The following KCNH8 variants were observed in gnomAD, a reference collection of about 807,000 sequenced individuals.
The protein encoded by KCNH8 is potassium voltage-gated channel subfamily H member 8.
Under a neutral mutation model 103.6 loss-of-function variants are expected in KCNH8, and 70 were observed. The ratio of observed to expected loss-of-function variants is 0.68; its 90% CI spans 0.56 to 0.82. The LOEUF is 0.82. KCNH8 is among the 40% of genes least tolerant of loss of function. The pLI is 0.00. For synonymous variants in KCNH8, 498 were observed against 489.4 expected, an observed-to-expected ratio of 1.02 and a Z score of -0.23; for missense variants, 1,217 against 1,329.9, an observed-to-expected ratio of 0.92 and a Z score of 1.32.
At chr3:19,477,791 C>T (rs1304869997) in intron 11 of KCNH8, among the ~76,000 whole-genome samples, 1 of 152,112 alleles carries the variant, frequency 6.6e-6, no homozygotes, top group Non-Finnish European at 1.5e-5. Context: ...TTATTATTTA[C>T]ATTTAGGAAA....
At chr3:19,198,157 C>T (rs1287348591) in intron 1 of KCNH8, among the ~76,000 whole-genome samples, 1 of 151,956 alleles carries the variant, frequency 6.6e-6, no homozygotes, top group African/African-American at 2.4e-5. Flanking sequence ...TCATAATGGA[C>T]AAATAACCAT....
intron 3 of KCNH8, among the ~76,000 whole-genome samples, chr3:19,281,571 A>G (rs1406971274): frequency 6.6e-6 from 1 of 152,102 alleles, no homozygotes; most frequent in African/African-American, 2.4e-5. Context: ...TGCTAATATG[A>G]GGAGGATGAG....
chr3:19,172,708 C>G (rs9755604), intron 1 of KCNH8, among the ~76,000 whole-genome samples: 8,762 of 152,220 alleles, frequency 0.058, 824 homozygotes, highest in African/African-American at 0.19. Flanking sequence ...GAGGTATGGA[C>G]AATGCAAGCA....
At chr3:19,387,338 A>G (rs1457315097) in intron 5 of KCNH8, among the ~76,000 whole-genome samples, 1 of 152,184 alleles carries the variant, frequency 6.6e-6, no homozygotes, top group African/African-American at 2.4e-5. Context: ...GATAATGGAA[A>G]GAAAATGGGA....
chr3:19,287,709 C>T (rs2064851934), intron 3 of KCNH8, among the ~76,000 whole-genome samples: 1 of 152,128 alleles, frequency 6.6e-6, no homozygotes, highest in African/African-American at 2.4e-5. Context: ...CCTCAGCCTC[C>T]TGAGTAGCTG....
At chr3:19,408,636 A>G (rs1424496226) in intron 7 of KCNH8, among the ~76,000 whole-genome samples, 1 of 152,158 alleles carries the variant, frequency 6.6e-6, no homozygotes, top group Non-Finnish European at 1.5e-5. Context: ...AATCCAGTAA[A>G]TGAAGGAAGA....
chr3:19,210,800 A>C (rs2125224898), intron 1 of KCNH8, among the ~76,000 whole-genome samples: 1 of 152,260 alleles, frequency 6.6e-6, no homozygotes, highest in Non-Finnish European at 1.5e-5. Flanking sequence ...TGATGGTGAG[A>C]ATACAAAGTA....
At chr3:19,185,391 C>G (rs2063492387) in intron 1 of KCNH8, among the ~76,000 whole-genome samples, 1 of 151,786 alleles carries the variant, frequency 6.6e-6, no homozygotes, top group African/African-American at 2.4e-5. Context: ...GAACACTTTT[C>G]ATGTTCTTAT....
chr3:19,398,899 T>C (rs1322861636), intron 7 of KCNH8, among the ~76,000 whole-genome samples: 5 of 152,042 alleles, frequency 3.3e-5, no homozygotes, highest in Non-Finnish European at 7.4e-5. Context: ...AGAAATAGCT[T>C]TAAAAGTATT....
At chr3:19,185,519 C>T (rs935360039) in intron 1 of KCNH8, among the ~76,000 whole-genome samples, 1 of 151,766 alleles carries the variant, frequency 6.6e-6, no homozygotes, top group East Asian at 1.9e-4. Context: ...GAGTCCTTTA[C>T]CAAATGTAGG....
At chr3:19,320,735 G>C (rs2065338777) in intron 3 of KCNH8, among the ~76,000 whole-genome samples, 1 of 151,794 alleles carries the variant, frequency 6.6e-6, no homozygotes, top group African/African-American at 2.4e-5. Flanking sequence ...TGTCTTTTGG[G>C]ATAGTGTCAA....
At chr3:19,512,371 A>AC (rs1378689642) in intron 12 of KCNH8, among the ~76,000 whole-genome samples, 1 of 152,112 alleles carries the variant, frequency 6.6e-6, no homozygotes, top group East Asian at 1.9e-4. Flanking sequence ...AAGGAAGCAG[A>AC]CCAGGTGGTT....
chr3:19,516,476 T>C (rs7372627), intron 14 of KCNH8, among the ~76,000 whole-genome samples: 88,828 of 151,794 alleles, frequency 0.59, 26,140 homozygotes, highest in Middle Eastern at 0.65. Context: ...CATATGTTGA[T>C]ATTACTGTGC....
At chr3:19,349,626 AT>A (rs1480322507) in intron 5 of KCNH8, among the ~76,000 whole-genome samples, 1 of 152,122 alleles carries the variant, frequency 6.6e-6, no homozygotes, top group Admixed American at 6.6e-5. Context: ...GATATTTGAC[AT>A]TCTTTGGCCT....
At chr3:19,329,379 TGGGAGAGTAAA>T (rs1376921691) in intron 3 of KCNH8, among the ~76,000 whole-genome samples, 2 of 152,186 alleles carry the variant, frequency 1.3e-5, no homozygotes, top group Non-Finnish European at 2.9e-5. Context: ...ACCAAGATTT[TGGGAGAGTAAA>T]GCTAAGTGTA....
intron 1 of KCNH8, among the ~76,000 whole-genome samples, chr3:19,251,876 G>A (rs553426096): frequency 2.0e-5 from 3 of 152,226 alleles, no homozygotes; most frequent in African/African-American, 7.2e-5. Context: ...TGTTTGGTAT[G>A]CATACACATG....
intron 11 of KCNH8, among the ~76,000 whole-genome samples, chr3:19,492,471 G>T (rs1057264302): frequency 1.3e-5 from 2 of 152,048 alleles, no homozygotes; most frequent in Non-Finnish European, 2.9e-5. Flanking sequence ...CTTATGGAAG[G>T]TGAGAGGTTT....
intron 8 of KCNH8, among the ~76,000 whole-genome samples, chr3:19,441,197 A>G (rs1168335919): frequency 6.6e-6 from 1 of 152,148 alleles, no homozygotes; most frequent in African/African-American, 2.4e-5. Flanking sequence ...TATCTTGTCC[A>G]AAGAGAACCC....
At chr3:19,454,375 A>G (rs369882548) in intron 10 of KCNH8, among the ~76,000 whole-genome samples, 2 of 152,080 alleles carry the variant, frequency 1.3e-5, no homozygotes, top group East Asian at 1.9e-4. Context: ...CCTTAGTACC[A>G]CTAAACGTTT....
Sources: gnomAD v4.1 joint callset for allele counts (sites outside exome capture counted in the v4.1 genomes callset) on GRCh38, gnomAD v4.1.1 for gene constraint, MANE v1.5 for transcripts, NCBI Gene and HGNC (gene_info 2026-07-23, HGNC 2026-07-21) for gene names.